The following DPP9 variants were observed in gnomAD, a reference collection of about 807,000 sequenced individuals.
DPP9 encodes dipeptidyl peptidase IV-related protein-2.
DPP9 carries 50 observed loss-of-function variants against 110.7 expected under a neutral mutation model. The observed-to-expected ratio is 0.45, with a 90% CI of 0.36 to 0.57. DPP9 has a LOEUF of 0.57. Among genes scored for constraint, DPP9 ranks in the 20% least tolerant of loss-of-function variants. The pLI is 0.00. For synonymous variants in DPP9, 561 were observed against 514.4 expected (o/e 1.09, Z -1.23); for missense variants, 1,022 against 1,217.9 (o/e 0.84, Z 2.39).
chr19:4,691,988 G>A (rs1023031763), intron 13 of DPP9, among the ~76,000 whole-genome samples: 1 of 151,796 alleles, frequency 6.6e-6, no homozygotes, highest in Non-Finnish European at 1.5e-5. Context: ...GACTTTTTTT[G>A]TGGGGGCGAG....
chr19:4,722,322 TG>T, intron 2 of DPP9, 176 bp downstream of exon 2: 1 of 576,504 alleles, frequency 1.7e-6, no homozygotes, highest in Admixed American at 3.1e-5. Flanking sequence ...GGGACAGGGG[TG>T]GAAAGAAAAG....
chr19:4,681,157 T>G lies in DPP9; in HGVS notation c.2475-1211A>C, dbSNP rs182479795. On this transcript the variant is annotated intron_variant, in intron 20 of 21. Transcript: ENST00000262960. ...AAATTAACGGAACTTATAAACCCAT[T>G]GAGACAGAGCACAGATCGGTGGCTG... is the stretch of plus-strand genomic sequence containing the variant. Among the ~76,000 whole-genome samples, 289 of 152,192 alleles carry G rather than the reference T, an allele frequency of 1.9e-3. 1 individual carries two copies. The highest frequency in any genetic ancestry group is 0.011 in the South Asian group (55 of 4,824).
chr19:4,683,118 C>A, intron 19 of DPP9: 1 of 1,473,476 alleles, frequency 6.8e-7, no homozygotes, highest in Non-Finnish European at 9.0e-7. Context: ...TCCTCCTCAT[C>A]GCCGCCGCCC....
Position 4,719,670 on chromosome 19 carries a change from G to C in DPP9, c.56+181C>G, listed in dbSNP as rs958934872. ...CCAGCCCCAGCGTCCACAGTGCCGA[G>C]GGGGAGACCCCGCACTACGCCACAC... On this transcript the variant is annotated intron_variant, in intron 3 of 21. Coordinates refer to ENST00000262960, the MANE Select transcript of DPP9 (RefSeq NM_139159.5). The C allele has an allele frequency of 5.6e-6, 4 of 713,486 alleles. No individual in the cohort carries two copies. In the African/African-American group the frequency reaches 7.1e-5, roughly 13 times the overall value. The allele number at this position is 713,486 out of a possible 1,614,324, so 44.2% of individuals were successfully genotyped here. A position where few individuals can be genotyped will look rare whatever the true frequency, so the allele number is the denominator to read the frequency against.
At chr19:4,719,553 C>T (rs554631973) in intron 3 of DPP9, 54 of 470,810 alleles carry the variant, frequency 1.1e-4, no homozygotes, top group African/African-American at 1.0e-3. Context: ...GTTGTCTCAA[C>T]TGAGGGGAGC....
chr19:4,701,872 G>T (rs1369281256), intron 9 of DPP9, among the ~76,000 whole-genome samples, 155 bp downstream of exon 9: 2 of 152,156 alleles, frequency 1.3e-5, no homozygotes, highest in Non-Finnish European at 2.9e-5. Flanking sequence ...GAAAGGGGCG[G>T]CCCCTGCAGG....
chr19:4,682,581 C>T lies in DPP9; in HGVS notation c.2474+115G>A. ...GCACAGCGGGGAGGCTCCACATGGC[C>T]TGAGGCTCCCTGGGCAGGGCCAGCT... On this transcript the variant is annotated intron_variant, in intron 20 of 21. Coordinates refer to ENST00000262960, the MANE Select transcript of DPP9 (RefSeq NM_139159.5). The surrounding 1 kb of genome is among the most constrained non-coding windows in gnomAD (Gnocchi z 7.1). The T allele has an allele frequency of 6.8e-7, 1 of 1,463,932 alleles. No homozygotes were observed. Among genetic ancestry groups the T allele is most frequent in the East Asian group, 2.5e-5 (1 of 40,622 alleles). The allele number at this position is 1,463,932 out of a possible 1,614,324, so 90.7% of individuals were successfully genotyped here. A position where few individuals can be genotyped will look rare whatever the true frequency, so the allele number is the denominator to read the frequency against.
intron 7 of DPP9, 42 bp from the exon 8 acceptor site, chr19:4,702,758 C>T (rs1437342028): frequency 6.8e-6 from 9 of 1,314,296 alleles, no homozygotes; most frequent in Non-Finnish European, 9.3e-6. Flanking sequence ...GGTGAGCAGC[C>T]TGCTAACACT....
At chr19:4,686,192 G>A (rs1014359684) in intron 16 of DPP9, among the ~76,000 whole-genome samples, 4 of 151,568 alleles carry the variant, frequency 2.6e-5, no homozygotes, top group Non-Finnish European at 5.9e-5. Context: ...GGGTTCAAGC[G>A]ATTATCCTGC....
At chr19:4,696,952 G>T (rs1266007960) in intron 11 of DPP9, among the ~76,000 whole-genome samples, 1 of 152,050 alleles carries the variant, frequency 6.6e-6, no homozygotes, top group Non-Finnish European at 1.5e-5. Flanking sequence ...ACAAAACATT[G>T]GCCAGGCATA....
At position 4,705,084 on chromosome 19, in the gene DPP9, G is replaced by A. The variant is rs368514056; in HGVS notation, c.426+774C>T. Reference sequence around the variant, plus strand: ...ACAAGGACACTGGCTTGGGGACTCAGAGACAGGCCAAAGTGAGGGCCAGTG... The same window carrying A: ...ACAAGGACACTGGCTTGGGGACTCAAAGACAGGCCAAAGTGAGGGCCAGTG... On this transcript the variant is annotated intron_variant, in intron 5 of 21. Transcript: ENST00000262960. 1.8e-4 allele frequency among the ~76,000 whole-genome samples: 27 copies of A among 152,312 alleles called. No homozygotes were observed. In the South Asian group the frequency reaches 5.0e-3, roughly 28 times the overall value.
In DPP9 at chr19:4,676,239, C is replaced by T. The variant is rs1568294421; in HGVS notation, c.*325G>A. ...AGGGAGCCCCAGGCGGAAGGCAGCC[C>T]GCTCCTCTGAGTCTCTTCTGGCCTC... On this transcript the variant is annotated 3_prime_UTR_variant, in exon 22 of 22. Coordinates refer to ENST00000262960, the MANE Select transcript of DPP9 (RefSeq NM_139159.5). This position sits in a 1 kb window ranked among gnomAD's most constrained non-coding sequence, Gnocchi z 4.0. 3.1e-6 allele frequency: 1 copy of T among 320,172 alleles called. No individual in the cohort carries two copies. Among genetic ancestry groups the T allele is most frequent in the Non-Finnish European group, 5.9e-6 (1 of 170,154 alleles). The allele number at this position is 320,172 out of a possible 1,614,324, so 19.8% of individuals were successfully genotyped here. A position where few individuals can be genotyped will look rare whatever the true frequency, so the allele number is the denominator to read the frequency against.
rs187873523 is a variant in DPP9 at position 4,723,445 on chromosome 19, G to A, written c.-89+229C>T. 2.9e-3 allele frequency among the ~76,000 whole-genome samples: 436 copies of A among 152,290 alleles called. 1 individual carries two copies. Among genetic ancestry groups the A allele is most frequent in the African/African-American group, 1.0e-2 (415 of 41,566 alleles). On this transcript the variant is annotated intron_variant, in intron 1 of 21. Coordinates refer to ENST00000262960, the MANE Select transcript of DPP9 (RefSeq NM_139159.5). ...ATCAGGGAAGGGGAGAAACTGGGAG[G>A]TGGCCTGGCCAGCGCAGGAATCGGG...
In DPP9 at chr19:4,685,827, C is replaced by T; in HGVS notation, c.1886-56G>A. 6.9e-6 allele frequency: 11 copies of T among 1,584,710 alleles called. No homozygotes were observed. Among genetic ancestry groups the T allele is most frequent in the South Asian group, 1.1e-5 (1 of 87,648 alleles). On this transcript the variant is annotated intron_variant, in intron 16 of 21. Transcript: ENST00000262960. The surrounding 1 kb of genome is among the most constrained non-coding windows in gnomAD (Gnocchi z 5.8). ...CCGGGGAAGCCACATCCAGCTGACA[C>T]CCTTGTTCTCCTGCCCACCCCAAGC... is the stretch of plus-strand genomic sequence containing the variant.
chr19:4,681,036 C>G (rs945189537), intron 20 of DPP9, among the ~76,000 whole-genome samples: 2 of 152,314 alleles, frequency 1.3e-5, no homozygotes, highest in South Asian at 2.1e-4. Context: ...GAGGCCAACA[C>G]GCAGCCTCAC....
Position 4,694,422 on chromosome 19 carries a change from A to G in DPP9, c.1516+239T>C, listed in dbSNP as rs2091608624. ...TAGGTGGCCAACCCCTGGTTGTGCT[A>G]AGGGCCTGGCACAGGGGAGGTGCTC... On this transcript the variant is annotated intron_variant, in intron 13 of 21. Coordinates refer to ENST00000262960, the MANE Select transcript of DPP9 (RefSeq NM_139159.5). The surrounding 1 kb of genome is among the most constrained non-coding windows in gnomAD (Gnocchi z 4.0). 1.8e-6 allele frequency: 1 copy of G among 569,810 alleles called. No homozygotes were observed. The highest frequency in any genetic ancestry group is 3.1e-6 in the Non-Finnish European group (1 of 326,226). The allele number at this position is 569,810 out of a possible 1,614,324, so 35.3% of individuals were successfully genotyped here.
intron 2 of DPP9, among the ~76,000 whole-genome samples, chr19:4,720,958 T>C (rs764414253): frequency 1.3e-5 from 2 of 152,314 alleles, no homozygotes; most frequent in East Asian, 1.9e-4. Context: ...AGGATTTCAA[T>C]GTGTGCAGCC....
intron 3 of DPP9, chr19:4,717,761 T>C (rs994899149): frequency 3.3e-5 from 5 of 152,364 alleles, no homozygotes; most frequent in African/African-American, 9.6e-5. Flanking sequence ...GGCTTGGTGC[T>C]GGAGCCTGGC....
rs1316315560 is a variant in DPP9, at chr19:4,698,877, G to T, written c.1075-1226C>A. ...TGCTACTGTCAAGAATGCAAAAGAA[G>T]GCCGGGTGTGGTGGCTCACACCTGT... is the stretch of plus-strand genomic sequence containing the variant. On this transcript the variant is annotated intron_variant, in intron 10 of 21. Transcript: ENST00000262960. This position sits in a 1 kb window ranked among gnomAD's most constrained non-coding sequence, Gnocchi z 4.2. Among the ~76,000 whole-genome samples, 1 of 152,132 alleles carries T rather than the reference G, an allele frequency of 6.6e-6. No homozygotes were observed. Among genetic ancestry groups the T allele is most frequent in the African/African-American group, 2.4e-5 (1 of 41,422 alleles).
Sources: allele counts gnomAD v4.1 joint callset (sites outside exome capture counted in the v4.1 genomes callset), GRCh38; gene constraint gnomAD v4.1.1; non-coding constraint Gnocchi (gnomAD v3.1); transcripts MANE v1.5; gene names NCBI Gene and HGNC (gene_info 2026-07-23, HGNC 2026-07-21).